Variants in ACTN4 observed in about 807,000 individuals in gnomAD.
ACTN4 encodes alpha-actinin-4.
ACTN4 carries 18 observed loss-of-function variants against 114.2 expected under a neutral mutation model. That is an observed-to-expected ratio of 0.16 (90% CI 0.11 to 0.23). The LOEUF is 0.23. ACTN4 is among the 10% of genes least tolerant of loss of function. The pLI, the probability that ACTN4 is intolerant of heterozygous loss-of-function variation, is 1.00. For missense variants in ACTN4, 722 were observed against 1,262.9 expected (o/e 0.57, Z 6.49); for synonymous variants, 515 against 506.3 (o/e 1.02, Z -0.23).
chr19:38,668,020 T>C (rs1316279871), intron 1 of ACTN4, among the ~76,000 whole-genome samples: 1 of 152,190 alleles, frequency 6.6e-6, no homozygotes, highest in Non-Finnish European at 1.5e-5. Context: ...GAGTTATGTC[T>C]CTGGAGGTGC....
chr19:38,691,047 T>C (rs540669076), intron 1 of ACTN4, among the ~76,000 whole-genome samples: 1 of 152,304 alleles, frequency 6.6e-6, no homozygotes, highest in East Asian at 1.9e-4. Flanking sequence ...GGGGAGCTTA[T>C]GCTGCACTTG....
intron 8 of ACTN4, 80 bp downstream of exon 8, chr19:38,710,422 C>A (rs1386586629): frequency 3.4e-6 from 5 of 1,469,226 alleles, no homozygotes; most frequent in Non-Finnish European, 4.7e-6. Context: ...GTGCTCACCT[C>A]ATTTCTCTTG....
At chr19:38,729,184 G>GGTCTACGAGGT in intron 20 of ACTN4, 30 bp downstream of exon 20, 1 of 1,612,836 alleles carries the variant, frequency 6.2e-7, no homozygotes, top group South Asian at 1.1e-5. Context: ...GGTGCATGGG[G>GGTCTACGAGGT]GCTGGCGAGA....
In ACTN4 at chr19:38,724,165, C is replaced by A. The variant is rs566266568; in HGVS notation, c.1701C>A (p.Ile567=). The change falls in exon 15 of 21, where the codon ATC becomes ATA. Residue 567 remains isoleucine, a synonymous_variant. Coordinates refer to ENST00000252699, the MANE Select transcript of ACTN4 (RefSeq NM_004924.6). The surrounding 1 kb of genome is among the most constrained non-coding windows in gnomAD (Gnocchi z 7.0). The stretch of plus-strand genomic sequence containing the variant: ...TCCAGCTCCTCCCCTAGGGCCTGAT[C>A]TCAGCCCATGACCAGTTCAAGTCCA... The part of the protein sequence containing the change: ...VHTIEEIEGL[I]SAHDQFKSTL... 23 of 1,613,898 alleles carry A rather than the reference C, an allele frequency of 1.4e-5. No individual in the cohort carries two copies. In the South Asian group the frequency reaches 2.3e-4, roughly 16 times the overall value.
intron 8 of ACTN4, 41 bp from the exon 9 acceptor site, chr19:38,714,428 G>T (rs1968771382): frequency 6.3e-7 from 1 of 1,597,424 alleles, no homozygotes; most frequent in East Asian, 2.2e-5. Context: ...GAGGGAGGGT[G>T]GCCAGCCCCC....
chr19:38,680,709 C>T (rs1967538710), intron 1 of ACTN4, among the ~76,000 whole-genome samples: 2 of 152,190 alleles, frequency 1.3e-5, no homozygotes, highest in Non-Finnish European at 2.9e-5. Context: ...TTTGACTTCT[C>T]ATCCTGTAAC....
chr19:38,727,803 A>G lies in ACTN4; in HGVS notation c.2338-143A>G, dbSNP rs1568750787. ...CCCCCGACCCCACGTGTCCCTGGCC[A>G]TCTCCTTGTCCATGTTGCCTCTAAC... On this transcript the variant is annotated intron_variant, in intron 18 of 20. Coordinates refer to ENST00000252699, the MANE Select transcript of ACTN4 (RefSeq NM_004924.6). This position sits in a 1 kb window ranked among gnomAD's most constrained non-coding sequence, Gnocchi z 5.4. 4 of 745,726 alleles carry G rather than the reference A, an allele frequency of 5.4e-6. No individual in the cohort carries two copies. Among genetic ancestry groups the G allele is most frequent in the Middle Eastern group, 2.5e-4 (1 of 4,038 alleles). 46.2% of individuals were successfully genotyped at this position (745,726 alleles called of 1,614,324 possible). A position where few individuals can be genotyped will look rare whatever the true frequency, so the allele number is the denominator to read the frequency against.
intron 1 of ACTN4, among the ~76,000 whole-genome samples, chr19:38,695,231 G>T (rs1195848494): frequency 6.6e-6 from 1 of 152,138 alleles, no homozygotes; most frequent in Non-Finnish European, 1.5e-5. Context: ...TACATAATAG[G>T]GCTCCAAGTC....
chr19:38,665,575 C>T (rs759440858), intron 1 of ACTN4, among the ~76,000 whole-genome samples: 1 of 152,122 alleles, frequency 6.6e-6, no homozygotes, highest in Admixed American at 6.5e-5. Flanking sequence ...CCCCAGGAAG[C>T]GCCAAGTCCT....
At position 38,688,496 on chromosome 19, in the gene ACTN4, G is replaced by A. The variant is rs1967820430; in HGVS notation, c.163-12104G>A. Among the ~76,000 whole-genome samples the A allele has an allele frequency of 2.0e-5, 3 of 151,562 alleles. No homozygotes were observed. In the South Asian group the frequency reaches 6.3e-4, roughly 32 times the overall value. On this transcript the variant is annotated intron_variant, in intron 1 of 20. Transcript: ENST00000252699. ...TGAGGTGGGAGAATCGCTTGAACCTGGGTGGGAGAGGTTGCATTGAGCCGA... is the reference window on the plus strand; with the variant it reads ...TGAGGTGGGAGAATCGCTTGAACCTAGGTGGGAGAGGTTGCATTGAGCCGA...
At position 38,663,634 on chromosome 19, in the gene ACTN4, C is replaced by T. The variant is rs182176576; in HGVS notation, c.162+15727C>T. On this transcript the variant is annotated intron_variant, in intron 1 of 20. Transcript: ENST00000252699. ...TGCCGAGGGCAAGTATTAGGGGGTCCGGCGTGCAATCGAACATTTCTTAGC... is the reference window on the plus strand; with the variant it reads ...TGCCGAGGGCAAGTATTAGGGGGTCTGGCGTGCAATCGAACATTTCTTAGC... 9.4e-3 allele frequency among the ~76,000 whole-genome samples: 1,434 copies of T among 152,300 alleles called. 25 individuals are homozygous for T. The highest frequency in any genetic ancestry group is 8.8e-3 in the Non-Finnish European group (596 of 68,030).
intron 3 of ACTN4, among the ~76,000 whole-genome samples, chr19:38,703,857 A>T (rs1968365981): frequency 6.6e-6 from 1 of 152,182 alleles, no homozygotes; most frequent in East Asian, 1.9e-4. Context: ...ACACAAGCAG[A>T]AGCTTACACG....
Position 38,700,729 on chromosome 19 carries a change from C to A in ACTN4, c.277+15C>A. 6.2e-7 allele frequency: 1 copy of A among 1,606,426 alleles called. No individual in the cohort carries two copies. Among genetic ancestry groups the A allele is most frequent in the East Asian group, 2.2e-5 (1 of 44,850 alleles). On this transcript the variant is annotated intron_variant, in intron 2 of 20. Coordinates refer to ENST00000252699, the MANE Select transcript of ACTN4 (RefSeq NM_004924.6). ...GGTCATATCAGGTGAGACTCCCAGC[C>A]ACGCAGTGCGGCCGAGCCCTGGCAC... is the stretch of plus-strand genomic sequence containing the variant.
chr19:38,728,930 G>A (rs1399828145), intron 19 of ACTN4, 66 bp from the exon 20 acceptor site: 5 of 1,593,148 alleles, frequency 3.1e-6, no homozygotes, highest in African/African-American at 1.3e-5. Context: ...GACCCCACCA[G>A]TGTGGGCCTG....
chr19:38,668,699 GAAAAA>G (rs1213624047), intron 1 of ACTN4, among the ~76,000 whole-genome samples: 1 of 149,544 alleles, frequency 6.7e-6, no homozygotes, highest in Non-Finnish European at 1.5e-5. Context: ...AAAGAAAAAA[GAAAAA>G]AAGAAAAGAT....
rs1003352558 is a variant in ACTN4 at position 38,717,022 on chromosome 19, G to T, written c.913-64G>T. ...CAGATCCCATGTGCCCATAAGCTGG[G>T]GGGCAGCCCGTCAGCACTCTGAGGG... On this transcript the variant is annotated intron_variant, in intron 9 of 20. Transcript: ENST00000252699. This position sits in a 1 kb window ranked among gnomAD's most constrained non-coding sequence, Gnocchi z 4.0. 9 of 1,526,356 alleles carry T rather than the reference G, an allele frequency of 5.9e-6. No homozygotes were observed. In the Admixed American group the frequency reaches 1.3e-4, roughly 23 times the overall value. The allele number at this position is 1,526,356 out of a possible 1,614,324, so 94.6% of individuals were successfully genotyped here.
intron 1 of ACTN4, among the ~76,000 whole-genome samples, chr19:38,682,022 G>A (rs1326048118): frequency 6.6e-6 from 1 of 152,022 alleles, no homozygotes; most frequent in African/African-American, 2.4e-5. Flanking sequence ...GTAGAGACGG[G>A]GTTTTGCCAT....
chr19:38,649,315 G>A (rs908715376), intron 1 of ACTN4, among the ~76,000 whole-genome samples: 3 of 140,988 alleles, frequency 2.1e-5, no homozygotes, highest in African/African-American at 8.0e-5. Flanking sequence ...GGAGCTCTGA[G>A]TGTGTGCAGG....
intron 5 of ACTN4, 59 bp downstream of exon 5, chr19:38,706,190 CA>C: frequency 6.5e-7 from 1 of 1,541,650 alleles, no homozygotes; most frequent in Non-Finnish European, 9.0e-7. Context: ...TCCTTCCTCC[CA>C]CCTGCCCTGT....
Sources: allele counts gnomAD v4.1 joint callset (sites outside exome capture counted in the v4.1 genomes callset), GRCh38; gene constraint gnomAD v4.1.1; non-coding constraint Gnocchi (gnomAD v3.1); transcripts MANE v1.5; gene names NCBI Gene and HGNC (gene_info 2026-07-23, HGNC 2026-07-21).